EBF3: variants seen among roughly 807,000 people sequenced by gnomAD.
EBF3 encodes EBF transcription factor 3.
A neutral mutation model predicts 77.1 loss-of-function variants in EBF3; 18 were observed. That is an observed-to-expected ratio of 0.23 (90% confidence interval 0.16 to 0.35). The LOEUF (loss-of-function observed/expected upper bound fraction) is 0.35, where lower values mean the gene tolerates loss of function less well. Among genes scored for constraint, EBF3 ranks in the 10% least tolerant of loss-of-function variants. The pLI, the probability that EBF3 is intolerant of heterozygous loss-of-function variation, is 1.00. For missense variants in EBF3, 558 were observed against 860.0 expected (o/e 0.65, Z 4.39); for synonymous variants, 350 against 343.5 (o/e 1.02, Z -0.21).
chr10:129,865,891 C>T (rs1434120701), intron 10 of EBF3, among the ~76,000 whole-genome samples: 5 of 152,152 alleles, frequency 3.3e-5, no homozygotes, highest in East Asian at 1.9e-4. Context: ...GTTGAAGCCC[C>T]ATCCTCTAGT....
intron 6 of EBF3, among the ~76,000 whole-genome samples, chr10:129,930,681 ATATC>A (rs1856957123): frequency 6.8e-6 from 1 of 147,544 alleles, no homozygotes; most frequent in Non-Finnish European, 1.5e-5. Flanking sequence ...ATACCTGTCT[ATATC>A]TATCTCTATA....
chr10:129,906,613 G>A (rs1053314135), intron 6 of EBF3, among the ~76,000 whole-genome samples: 1 of 152,072 alleles, frequency 6.6e-6, no homozygotes, highest in Non-Finnish European at 1.5e-5. Context: ...TTAACAATAG[G>A]CTTATTTCTA....
intron 9 of EBF3, 115 bp from the exon 10 acceptor site, chr10:129,867,382 G>A: frequency 6.8e-7 from 1 of 1,478,958 alleles, no homozygotes; most frequent in Non-Finnish European, 9.1e-7. Context: ...GTCTTGGAAT[G>A]CCCCCTCCTA....
At chr10:129,839,930 C>T (rs1849893137) in intron 15 of EBF3, among the ~76,000 whole-genome samples, 1 of 152,272 alleles carries the variant, frequency 6.6e-6, no homozygotes, top group South Asian at 2.1e-4. Flanking sequence ...CAGCTACCTT[C>T]ACCACACTCC....
At position 129,837,923 on chromosome 10, in the gene EBF3, A is replaced by C; in HGVS notation, c.*20T>G. On this transcript the variant is annotated 3_prime_UTR_variant, in exon 17 of 17. Transcript: ENST00000440978. ...CTGGGTGCTGCGGAAGGTAAACAGA[A>C]GTCCCTCACATTGGCGGGACTACCA... is the stretch of plus-strand genomic sequence containing the variant. The C allele has an allele frequency of 6.2e-7, 1 of 1,614,070 alleles. No individual in the cohort carries two copies.
At chr10:129,934,986 A>C (rs1157943018) in intron 6 of EBF3, among the ~76,000 whole-genome samples, 1 of 152,168 alleles carries the variant, frequency 6.6e-6, no homozygotes, top group Non-Finnish European at 1.5e-5. Flanking sequence ...ACAAGGGCCT[A>C]CTGTGTACCT....
chr10:129,842,379 C>A lies in EBF3; in HGVS notation c.1195-86G>T. Reference sequence around the variant, plus strand: ...TCTCGGGGGCCCACCATGGTGGCATCCCACTGTCCCTTGCCCAGACCATGA... The same window carrying A: ...TCTCGGGGGCCCACCATGGTGGCATACCACTGTCCCTTGCCCAGACCATGA... On this transcript the variant is annotated intron_variant, in intron 12 of 16. Coordinates refer to ENST00000440978, the MANE Select transcript of EBF3 (RefSeq NM_001375380.1). This position sits in a 1 kb window ranked among gnomAD's most constrained non-coding sequence, Gnocchi z 4.4. 1 of 1,455,372 alleles carries A rather than the reference C, an allele frequency of 6.9e-7. No individual in the cohort carries two copies. Among genetic ancestry groups the A allele is most frequent in the Non-Finnish European group, 9.2e-7 (1 of 1,087,710 alleles). 90.2% of individuals were successfully genotyped at this position (1,455,372 alleles called of 1,614,324 possible).
chr10:129,856,093 T>C (rs900844634), intron 10 of EBF3, among the ~76,000 whole-genome samples: 6 of 152,136 alleles, frequency 3.9e-5, no homozygotes, highest in Admixed American at 6.5e-5. Flanking sequence ...GCCCTCCCCA[T>C]AGGAGGAAGG....
chr10:129,862,896 G>A (rs1312145965), intron 10 of EBF3, among the ~76,000 whole-genome samples: 1 of 152,174 alleles, frequency 6.6e-6, no homozygotes, highest in East Asian at 1.9e-4. Flanking sequence ...CCCAATTTGT[G>A]TATACTGCGA....
At chr10:129,851,279 G>A (rs1050061460) in intron 10 of EBF3, among the ~76,000 whole-genome samples, 19 of 152,112 alleles carry the variant, frequency 1.2e-4, no homozygotes, top group Admixed American at 5.2e-4. Context: ...AGCTCAAGTC[G>A]GGGATGAAGA....
intron 10 of EBF3, among the ~76,000 whole-genome samples, chr10:129,865,636 AAG>A (rs1257863967): frequency 6.6e-6 from 1 of 152,194 alleles, no homozygotes; most frequent in Non-Finnish European, 1.5e-5. Flanking sequence ...GCCTGCCACC[AAG>A]ACCCATCCAG....
At chr10:129,840,175 C>T in intron 15 of EBF3, 70 bp downstream of exon 15, 2 of 1,463,404 alleles carry the variant, frequency 1.4e-6, no homozygotes, top group South Asian at 1.3e-5. Context: ...AGGCCGAGCC[C>T]CCACCCCCAC....
At position 129,870,070 on chromosome 10, in the gene EBF3, A is replaced by G. The variant is rs1235387046; in HGVS notation, c.782-2158T>C. On this transcript the variant is annotated intron_variant, in intron 8 of 16. Coordinates refer to ENST00000440978, the MANE Select transcript of EBF3 (RefSeq NM_001375380.1). The surrounding 1 kb of genome is among the most constrained non-coding windows in gnomAD (Gnocchi z 4.4). ...AAAGAATCCAGGATCTACTGCATGC[A>G]CAAGAGACTGCTATCTGGCAGCTGT... 6.6e-6 allele frequency among the ~76,000 whole-genome samples: 1 copy of G among 152,144 alleles called. No homozygotes were observed. Among genetic ancestry groups the G allele is most frequent in the Non-Finnish European group, 1.5e-5 (1 of 68,030 alleles).
At chr10:129,866,737 C>T (rs1456180450) in intron 10 of EBF3, among the ~76,000 whole-genome samples, 1 of 152,184 alleles carries the variant, frequency 6.6e-6, no homozygotes, top group Non-Finnish European at 1.5e-5. Context: ...TGCAGGAGAA[C>T]AGCAGTGACA....
rs781260188 is a variant in EBF3, at chr10:129,848,484, C to T, written c.1040-4G>A. 3 of 1,614,120 alleles carry T rather than the reference C, an allele frequency of 1.9e-6. No homozygotes were observed. Among genetic ancestry groups the T allele is most frequent in the Non-Finnish European group, 2.5e-6 (3 of 1,179,968 alleles). ...TCTATGGTTGGTTCATTAAGGGCTG[C>T]AACAGGACACAGAAATGTAGATCAG... On this transcript the variant is annotated splice_polypyrimidine_tract_variant and splice_region_variant and intron_variant, in intron 10 of 16. Coordinates refer to ENST00000440978, the MANE Select transcript of EBF3 (RefSeq NM_001375380.1). This position sits in a 1 kb window ranked among gnomAD's most constrained non-coding sequence, Gnocchi z 4.4.
rs1233923437 is a variant in EBF3 at position 129,837,747 on chromosome 10, C to CTGTT, written c.*192_*195dup. The CTGTT allele has an allele frequency of 3.0e-5, 19 of 634,168 alleles. No homozygotes were observed. The highest frequency in any genetic ancestry group is 5.3e-4 in the Middle Eastern group (2 of 3,790). The allele number at this position is 634,168 out of a possible 1,614,324, so 39.3% of individuals were successfully genotyped here. ...ATGGAATTGTTCATGAAGAAGTAGG[C>CTGTT]TGTTTGCATGTTGATTCTTAATAGT... On this transcript the variant is annotated 3_prime_UTR_variant, in exon 17 of 17. Coordinates refer to ENST00000440978, the MANE Select transcript of EBF3 (RefSeq NM_001375380.1).
intron 6 of EBF3, 141 bp downstream of exon 6, chr10:129,957,117 A>C (rs1859096164): frequency 1.5e-6 from 1 of 666,700 alleles, no homozygotes; most frequent in Admixed American, 2.7e-5. Context: ...GCATGATAAC[A>C]CACGCGGACA....
At chr10:129,866,140 G>A (rs1037679495) in intron 10 of EBF3, among the ~76,000 whole-genome samples, 1 of 152,156 alleles carries the variant, frequency 6.6e-6, no homozygotes, top group African/African-American at 2.4e-5. Context: ...TGTTTGTTTT[G>A]AGATAGGGTC....
At chr10:129,929,215 T>C (rs1856853520) in intron 6 of EBF3, among the ~76,000 whole-genome samples, 1 of 152,116 alleles carries the variant, frequency 6.6e-6, no homozygotes, top group Non-Finnish European at 1.5e-5. Flanking sequence ...TATTTATTTA[T>C]TTATTTTGAG....
Sources: allele counts gnomAD v4.1 joint callset (sites outside exome capture counted in the v4.1 genomes callset), GRCh38; gene constraint gnomAD v4.1.1; non-coding constraint Gnocchi (gnomAD v3.1); transcripts MANE v1.5; gene names NCBI Gene and HGNC (gene_info 2026-07-23, HGNC 2026-07-21).